The following NCR1 variants were observed in gnomAD, a reference collection of about 807,000 sequenced individuals.
NCR1 encodes the protein NK cell-activating receptor.
In NCR1, 30 loss-of-function variants were observed where a neutral mutation model predicts 32.5. The ratio of observed to expected loss-of-function variants is 0.92; its 90% CI spans 0.69 to 1.25. The LOEUF is 1.25. NCR1 is among the 50% of genes most tolerant of loss of function. The probability of loss-of-function intolerance (pLI) is 0.00; values close to 1 mark genes in which losing one functional copy is unlikely to be tolerated. For synonymous variants in NCR1, 169 were observed against 143.4 expected, an observed-to-expected ratio of 1.18 and a Z score of -1.28; for missense variants, 369 against 380.7, an observed-to-expected ratio of 0.97 and a Z score of 0.26.
At chr19:54,915,713 G>T (rs955152730), downstream of NCR1, 3 of 151,538 alleles carry the variant, frequency 2.0e-5, no homozygotes, top group Non-Finnish European at 4.4e-5. Flanking sequence ...TTACATGTAG[G>T]CACCTGTAAT....
chr19:54,903,467 T>C (rs947452169), upstream of NCR1, among the ~76,000 whole-genome samples: 1 of 137,006 alleles, frequency 7.3e-6, no homozygotes, highest in Non-Finnish European at 1.6e-5. Flanking sequence ...TATGTATGTA[T>C]ACACGGATAC....
chr19:54,932,717 G>A, the NCR1 span, among the ~76,000 whole-genome samples: 24,047 of 151,810 alleles, frequency 0.16, 2,385 homozygotes, highest in South Asian at 0.24. Flanking sequence ...GTGCAGTGGC[G>A]CCATCTCAGC....
At chr19:54,914,495 C>T (rs932874181), downstream of NCR1, among the ~76,000 whole-genome samples, 2 of 151,998 alleles carry the variant, frequency 1.3e-5, no homozygotes, top group Admixed American at 1.3e-4. Flanking sequence ...TGCACCACCA[C>T]GCCCGGCTAA....
intron 4 of NCR1, 35 bp downstream of exon 4, chr19:54,909,558 G>T: frequency 6.3e-7 from 1 of 1,579,794 alleles, no homozygotes; most frequent in Non-Finnish European, 8.6e-7. Flanking sequence ...ACCCTTCGCC[G>T]CCATGTGCTA....
At chr19:54,917,665 T>G (rs951842465), downstream of NCR1, among the ~76,000 whole-genome samples, 1 of 152,054 alleles carries the variant, frequency 6.6e-6, no homozygotes, top group African/African-American at 2.4e-5. Context: ...GTGATTTTGC[T>G]CTCCACTCCA....
At chr19:54,906,086 TGATGGG>T, upstream of NCR1, 1 of 1,448,698 alleles carries the variant, frequency 6.9e-7, no homozygotes, top group Non-Finnish European at 9.7e-7. Flanking sequence ...AGCGCTCTGG[TGATGGG>T]CGCTGGTGCT....
At chr19:54,909,753 G>A (rs868827177) in intron 4 of NCR1, among the ~76,000 whole-genome samples, 2 of 151,858 alleles carry the variant, frequency 1.3e-5, no homozygotes, top group African/African-American at 2.4e-5. Flanking sequence ...TGGCCAAGAC[G>A]GTGAAACCCC....
intron 5 of NCR1, among the ~76,000 whole-genome samples, chr19:54,911,210 G>C (rs943491609): frequency 1.4e-4 from 21 of 152,078 alleles, no homozygotes; most frequent in African/African-American, 5.1e-4. Context: ...TTATCCGGGC[G>C]TGGTGGCGGG....
the NCR1 span, chr19:54,930,627 A>G: frequency 0.56 from 902,860 of 1,610,306 alleles, 255,126 homozygotes; most frequent in East Asian, 0.72. Context: ...CCTCTGAGAG[A>G]TATCTACAGC....
the NCR1 span, chr19:54,927,859 A>AGGC: frequency 2.4e-5 from 29 of 1,223,558 alleles, no homozygotes; most frequent in Non-Finnish European, 2.8e-5. Context: ...CGGGAGGCCA[A>AGGC]GGCGGGTGGA....
chr19:54,926,205 G>GGTGTGTGTGTGT, the NCR1 span, among the ~76,000 whole-genome samples: 2,947 of 143,682 alleles, frequency 0.021, 63 homozygotes, highest in African/African-American at 0.053. Context: ...AATGATTAGG[G>GGTGTGTGTGTGT]GTGTGTGTGT....
chr19:54,919,435 A>G (rs1258849863), downstream of NCR1, among the ~76,000 whole-genome samples: 2 of 149,332 alleles, frequency 1.3e-5, no homozygotes, highest in Non-Finnish European at 3.0e-5. Context: ...CAGCCGAGGC[A>G]GAGAGGGAGA....
At chr19:54,935,471 G>A in the NCR1 span, among the ~76,000 whole-genome samples, 27 of 152,016 alleles carry the variant, frequency 1.8e-4, no homozygotes, top group African/African-American at 2.2e-4. Context: ...CGAGACAGGC[G>A]GATCACTTGA....
At chr19:54,932,184 T>C in the NCR1 span, among the ~76,000 whole-genome samples, 1 of 151,988 alleles carries the variant, frequency 6.6e-6, no homozygotes, top group Non-Finnish European at 1.5e-5. Context: ...CGCCAGCACT[T>C]TGGGAGGCCG....
chr19:54,910,033 C>T lies in NCR1; in HGVS notation c.650C>T (p.Thr217Ile), dbSNP rs587657657. The change falls in exon 5 of 7, where the codon ACC becomes ATC. Residue 217 changes from threonine (T) to isoleucine (I), a missense_variant. Thr to Ile is a moderately conservative substitution (Grantham distance 89, BLOSUM62 -1). Coordinates refer to ENST00000291890, the MANE Select transcript of NCR1 (RefSeq NM_004829.7). Reference protein sequence around the residue: ...KLLVTGDIENTSLAPEDPTFP... With the variant: ...KLLVTGDIENISLAPEDPTFP... ...CCTTTTCCAGGCGACATTGAGAACA[C>T]CAGCCTTGCACCTGAAGACCCCACC... is the stretch of plus-strand genomic sequence containing the variant. 1 of 1,613,714 alleles carries T rather than the reference C, an allele frequency of 6.2e-7. No homozygotes were observed. Among genetic ancestry groups the T allele is most frequent in the Non-Finnish European group, 8.5e-7 (1 of 1,179,912 alleles).
the NCR1 span, chr19:54,933,563 A>T: frequency 2.5e-6 from 4 of 1,614,106 alleles, no homozygotes; most frequent in Non-Finnish European, 3.4e-6. Context: ...CCCAGCAGGG[A>T]CTTACACCAA....
chr19:54,907,936 C>T, intron 3 of NCR1, among the ~76,000 whole-genome samples: 1 of 151,178 alleles, frequency 6.6e-6, no homozygotes, highest in East Asian at 1.9e-4. Context: ...GGTCTTTGGA[C>T]CTTGTTTGGA....
At chr19:54,908,653 C>CTT (rs34151807) in intron 3 of NCR1, among the ~76,000 whole-genome samples, 1,698 of 134,984 alleles carry the variant, frequency 0.013, 26 homozygotes, top group East Asian at 0.025. Context: ...CTGGCCGGGG[C>CTT]TTTTTTTTTT....
chr19:54,915,248 G>C (rs545714729), downstream of NCR1, among the ~76,000 whole-genome samples: 3 of 152,000 alleles, frequency 2.0e-5, no homozygotes, highest in Non-Finnish European at 2.9e-5. Context: ...ATGTATATAC[G>C]GGGCTGTGGC....
Sources: allele counts gnomAD v4.1 joint callset (sites outside exome capture counted in the v4.1 genomes callset), GRCh38; gene constraint gnomAD v4.1.1; transcripts MANE v1.5; gene names NCBI Gene and HGNC (gene_info 2026-07-23, HGNC 2026-07-21).